The following NXPE2 variants were observed in gnomAD, a reference collection of about 807,000 sequenced individuals.
The protein encoded by NXPE2 is NXPE family member 2.
In NXPE2, 34 loss-of-function variants were observed where a neutral mutation model predicts 34.4. The observed-to-expected ratio is 0.99, with a 90% confidence interval of 0.75 to 1.31. The LOEUF (loss-of-function observed/expected upper bound fraction) is 1.31. NXPE2 is among the 40% of genes most tolerant of loss of function. The pLI, the probability that NXPE2 is intolerant of heterozygous loss-of-function variation, is 0.00. For synonymous variants in NXPE2, 235 were observed against 231.3 expected (o/e 1.02, Z -0.15); for missense variants, 649 against 672.5 (o/e 0.97, Z 0.39).
the NXPE2 span, among the ~76,000 whole-genome samples, chr11:114,772,177 A>G: frequency 6.6e-6 from 1 of 152,212 alleles, no homozygotes; most frequent in Non-Finnish European, 1.5e-5. Context: ...GATAGCGTGA[A>G]CAGCTTAAAC....
At chr11:114,563,617 A>G in the NXPE2 span, among the ~76,000 whole-genome samples, 5 of 152,084 alleles carry the variant, frequency 3.3e-5, no homozygotes, top group African/African-American at 1.2e-4. Flanking sequence ...ACTCAAACGA[A>G]TCAGCAAGAA....
the NXPE2 span, among the ~76,000 whole-genome samples, chr11:114,491,157 A>C: frequency 2.2e-4 from 32 of 143,294 alleles, 2 homozygotes; most frequent in Non-Finnish European, 4.5e-4. Context: ...CGACAGAGCG[A>C]GACTCCGTCT....
the NXPE2 span, chr11:114,529,834 C>G: frequency 4.3e-6 from 1 of 230,452 alleles, no homozygotes; most frequent in Non-Finnish European, 8.5e-6. Context: ...GGAAATGGAT[C>G]AACGCAAAGA....
the NXPE2 span, among the ~76,000 whole-genome samples, chr11:114,779,954 A>G: frequency 6.6e-6 from 1 of 152,266 alleles, no homozygotes; most frequent in Admixed American, 6.5e-5. Context: ...GGGAGGAAGC[A>G]GAGGCCACTG....
the NXPE2 span, among the ~76,000 whole-genome samples, chr11:114,724,195 G>A: frequency 1.3e-5 from 2 of 152,062 alleles, no homozygotes; most frequent in Non-Finnish European, 2.9e-5. Context: ...TCACCTGAAG[G>A]GTGAGCCAGA....
chr11:114,606,584 T>C, the NXPE2 span, among the ~76,000 whole-genome samples: 2 of 151,950 alleles, frequency 1.3e-5, no homozygotes, highest in African/African-American at 4.8e-5. Flanking sequence ...TTATTATAAG[T>C]ATTTCCTTGT....
the NXPE2 span, among the ~76,000 whole-genome samples, chr11:114,540,900 G>A: frequency 1.9e-5 from 2 of 107,722 alleles, no homozygotes; most frequent in African/African-American, 7.0e-5. Context: ...TGAACAACCT[G>A]AGAGCAGAGT....
chr11:114,651,051 A>G, the NXPE2 span, among the ~76,000 whole-genome samples: 1 of 152,024 alleles, frequency 6.6e-6, no homozygotes, highest in Non-Finnish European at 1.5e-5. Context: ...TGAAGGTAAT[A>G]ATATAATAGC....
the NXPE2 span, among the ~76,000 whole-genome samples, chr11:114,651,538 G>A: frequency 2.2e-4 from 33 of 152,340 alleles, no homozygotes; most frequent in African/African-American, 7.9e-4. Context: ...AATCCGAAAA[G>A]ATTGCCACTG....
chr11:114,677,624 C>T (rs1456586779), upstream of NXPE2, among the ~76,000 whole-genome samples: 4 of 151,982 alleles, frequency 2.6e-5, no homozygotes, highest in African/African-American at 9.7e-5. Context: ...GTTCTGATAT[C>T]CATGCTGTTA....
chr11:114,785,854 C>T, the NXPE2 span, among the ~76,000 whole-genome samples: 1 of 152,154 alleles, frequency 6.6e-6, no homozygotes, highest in African/African-American at 2.4e-5. Flanking sequence ...CACCATAAAG[C>T]AATTATTGCA....
At chr11:114,492,842 G>A in the NXPE2 span, among the ~76,000 whole-genome samples, 1 of 152,152 alleles carries the variant, frequency 6.6e-6, no homozygotes, top group South Asian at 2.1e-4. Context: ...CCCAGCCTAA[G>A]TCCAATGTTT....
At chr11:114,787,175 A>G in the NXPE2 span, among the ~76,000 whole-genome samples, 1 of 146,458 alleles carries the variant, frequency 6.8e-6, no homozygotes, top group East Asian at 1.9e-4. Flanking sequence ...ACAGGCGCAC[A>G]CACACAAAAA....
At chr11:114,539,717 G>T in the NXPE2 span, among the ~76,000 whole-genome samples, 10 of 151,984 alleles carry the variant, frequency 6.6e-5, no homozygotes, top group Non-Finnish European at 2.9e-5. Flanking sequence ...AAAAATACTA[G>T]CCCTAGTGTA....
At chr11:114,782,257 T>C in the NXPE2 span, among the ~76,000 whole-genome samples, 1 of 152,322 alleles carries the variant, frequency 6.6e-6, no homozygotes, top group South Asian at 2.1e-4. Context: ...GAGCTGACCG[T>C]GTATCTATTC....
chr11:114,545,691 C>CTT, the NXPE2 span, among the ~76,000 whole-genome samples: 15 of 138,802 alleles, frequency 1.1e-4, no homozygotes, highest in Non-Finnish European at 1.4e-4. Flanking sequence ...AAGAGTGGAT[C>CTT]TTTTTTTTTT....
chr11:114,602,910 CAT>C, the NXPE2 span, among the ~76,000 whole-genome samples: 7 of 148,038 alleles, frequency 4.7e-5, no homozygotes, highest in East Asian at 5.9e-4. Flanking sequence ...ATTACAGAAT[CAT>C]ATATAATAAT....
the NXPE2 span, among the ~76,000 whole-genome samples, chr11:114,643,942 G>A: frequency 6.6e-6 from 1 of 152,074 alleles, no homozygotes; most frequent in Admixed American, 6.6e-5. Flanking sequence ...ATTTTCTTGA[G>A]CAGTGATTTG....
chr11:114,750,322 A>G, the NXPE2 span, among the ~76,000 whole-genome samples: 1 of 152,194 alleles, frequency 6.6e-6, no homozygotes, highest in Non-Finnish European at 1.5e-5. Flanking sequence ...TCTGCGGACA[A>G]GTTTTACCCT....
Sources: allele counts gnomAD v4.1 joint callset (sites outside exome capture counted in the v4.1 genomes callset), GRCh38; gene constraint gnomAD v4.1.1; transcripts MANE v1.5; gene names NCBI Gene and HGNC (gene_info 2026-07-23, HGNC 2026-07-21).